The following TGM7 variants were observed in gnomAD, a reference collection of about 807,000 sequenced individuals.
TGM7 encodes protein-glutamine gamma-glutamyltransferase Z.
In TGM7, 74 loss-of-function variants were observed where a neutral mutation model predicts 79.5. The observed-to-expected ratio is 0.93, with a 90% confidence interval of 0.77 to 1.13. TGM7 has a LOEUF of 1.13. Ranked by LOEUF, TGM7 falls within the 50% of genes most tolerant of loss-of-function variation. The probability of loss-of-function intolerance (pLI) is 0.00; values close to 1 mark genes in which losing one functional copy is unlikely to be tolerated. For missense variants in TGM7, 912 were observed against 905.9 expected (o/e 1.01, Z -0.09); for synonymous variants, 354 against 362.5 (o/e 0.98, Z 0.27).
intron 2 of TGM7, 145 bp from the exon 3 acceptor site, chr15:43,293,099 C>G (rs1480093580): frequency 8.7e-7 from 1 of 1,153,580 alleles, no homozygotes; most frequent in Non-Finnish European, 1.2e-6. Context: ...TCAGGCAAAC[C>G]ATTTAAGACC....
Position 43,279,833 on chromosome 15 carries a change from C to A in TGM7, c.1470G>T (p.Ala490=), listed in dbSNP as rs780525541. 1 of 1,614,096 alleles carries A rather than the reference C, an allele frequency of 6.2e-7. No individual in the cohort carries two copies. Among genetic ancestry groups the A allele is most frequent in the African/African-American group, 1.3e-5 (1 of 74,932 alleles). The change falls in exon 10 of 13, where the codon GCG becomes GCT. Residue 490 remains alanine, a synonymous_variant. Coordinates refer to ENST00000452443, the MANE Select transcript of TGM7 (RefSeq NM_052955.3). ...TCCTGGCCAGGTGAAGCTGCAGCTG[C>A]GCTGGCTGATCCCTAAGACCCCCAG... ...LESGGLRDQP[A]QLQLHLARIP...
intron 7 of TGM7, 25 bp downstream of exon 7, chr15:43,284,789 A>T (rs779577396): frequency 1.2e-6 from 2 of 1,612,754 alleles, no homozygotes; most frequent in African/African-American, 1.3e-5. Context: ...CAAAGCAGAG[A>T]TCTGTTCAAG....
chr15:43,277,078 C>T, intron 11 of TGM7, 83 bp from the exon 12 acceptor site: 1 of 1,544,970 alleles, frequency 6.5e-7, no homozygotes, highest in African/African-American at 1.4e-5. Context: ...CCCCAGGTCC[C>T]TGGCGACCAC....
chr15:43,290,587 T>C (rs1325653113), intron 4 of TGM7, among the ~76,000 whole-genome samples: 3 of 152,226 alleles, frequency 2.0e-5, no homozygotes, highest in Admixed American at 1.3e-4. Flanking sequence ...AGTAGCTTTT[T>C]CCAATTCTGT....
rs529332531 is a variant in TGM7, at chr15:43,278,159, T to C, written c.1839+958A>G. On this transcript the variant is annotated intron_variant, in intron 11 of 12. Coordinates refer to ENST00000452443, the MANE Select transcript of TGM7 (RefSeq NM_052955.3). ...TATGGTCTGGAGCTGCCCAGTTCTC[T>C]ATTGGGGTGGGGAGGGGCAGGCTGT... is the stretch of plus-strand genomic sequence containing the variant. 1.8e-4 allele frequency among the ~76,000 whole-genome samples: 27 copies of C among 152,294 alleles called. No individual in the cohort carries two copies. In the South Asian group the frequency reaches 3.3e-3, roughly 19 times the overall value.
At chr15:43,283,572 C>G (rs1478940002) in intron 7 of TGM7, among the ~76,000 whole-genome samples, 1 of 152,030 alleles carries the variant, frequency 6.6e-6, no homozygotes, top group Non-Finnish European at 1.5e-5. Flanking sequence ...TGAAAACAGT[C>G]TTTATGTTAT....
chr15:43,296,095 T>G (rs561597281), intron 1 of TGM7, among the ~76,000 whole-genome samples: 2 of 152,344 alleles, frequency 1.3e-5, no homozygotes, highest in East Asian at 3.9e-4. Flanking sequence ...ATTTTATGTG[T>G]AGCTAGGTCA....
chr15:43,295,697 C>T (rs554817990), intron 1 of TGM7, among the ~76,000 whole-genome samples: 1 of 152,342 alleles, frequency 6.6e-6, no homozygotes, highest in East Asian at 1.9e-4. Flanking sequence ...CCTTCACAAT[C>T]TAAAATCAAA....
intron 8 of TGM7, 30 bp from the exon 9 acceptor site, chr15:43,282,116 G>A: frequency 3.1e-6 from 5 of 1,607,786 alleles, no homozygotes; most frequent in Non-Finnish European, 4.3e-6. Flanking sequence ...CTGATATGGG[G>A]GCCAGGGGCA....
chr15:43,289,622 C>T (rs1223961193), intron 4 of TGM7, among the ~76,000 whole-genome samples: 1 of 152,028 alleles, frequency 6.6e-6, no homozygotes, highest in Non-Finnish European at 1.5e-5. Context: ...AGTTCTAAAT[C>T]CCTGAGGAAT....
In TGM7 at chr15:43,276,438, C is replaced by A; in HGVS notation, c.*17G>T. On this transcript the variant is annotated 3_prime_UTR_variant, in exon 13 of 13. Coordinates refer to ENST00000452443, the MANE Select transcript of TGM7 (RefSeq NM_052955.3). The stretch of plus-strand genomic sequence containing the variant: ...GGTGGGGCAGGGGTGCCAGGGAGGG[C>A]AGCTGGAGGGCGGGTCTCAGGGAGC... 1 of 1,605,050 alleles carries A rather than the reference C, an allele frequency of 6.2e-7. No homozygotes were observed. Among genetic ancestry groups the A allele is most frequent in the Non-Finnish European group, 8.5e-7 (1 of 1,175,244 alleles).
At position 43,287,423 on chromosome 15, in the gene TGM7, C is replaced by G. The variant is rs60154727; in HGVS notation, c.722G>C (p.Gly241Ala). Residue 241 changes from glycine (G) to alanine (A), a missense_variant, in exon 6 of 13, where the codon GGG becomes GCG. Transcript: ENST00000452443. The part of the protein sequence containing the change: ...NSNDDNGVLQ[G>A]NWGEDYSKGV... Reference sequence around the variant, plus strand: ...TTTGGAGTAGTCCTCGCCCCAGTTCCCCTGCAGCACGCCATTGTCATCGTT... The same window carrying G: ...TTTGGAGTAGTCCTCGCCCCAGTTCGCCTGCAGCACGCCATTGTCATCGTT... The G allele has an allele frequency of 6.2e-7, 1 of 1,614,128 alleles. No individual in the cohort carries two copies.
At chr15:43,295,458 T>G (rs2042987796) in intron 1 of TGM7, among the ~76,000 whole-genome samples, 2 of 152,126 alleles carry the variant, frequency 1.3e-5, no homozygotes, top group South Asian at 4.1e-4. Context: ...GGCCTGGTGG[T>G]GAGTGCCTGT....
chr15:43,293,288 T>A (rs1245307042), intron 2 of TGM7, among the ~76,000 whole-genome samples, 161 bp downstream of exon 2: 1 of 152,110 alleles, frequency 6.6e-6, no homozygotes, highest in East Asian at 1.9e-4. Context: ...AAATCTCTCC[T>A]TAACAGCACT....
chr15:43,291,648 C>T (rs147070482), intron 4 of TGM7, among the ~76,000 whole-genome samples: 13 of 152,286 alleles, frequency 8.5e-5, no homozygotes, highest in African/African-American at 2.9e-4. Context: ...AGTTTGCAAA[C>T]CCCCGGTGTT....
rs1051561577 is a variant in TGM7 at position 43,287,527 on chromosome 15, G to A, written c.687+14C>T. ...TCAGACTGTCCTCAGACGGCGGGAA[G>A]CATCCATCCTTACCATGGCACTCAC... On this transcript the variant is annotated intron_variant, in intron 5 of 12. Coordinates refer to ENST00000452443, the MANE Select transcript of TGM7 (RefSeq NM_052955.3). 1 of 1,613,246 alleles carries A rather than the reference G, an allele frequency of 6.2e-7. No individual in the cohort carries two copies. Among genetic ancestry groups the A allele is most frequent in the African/African-American group, 1.3e-5 (1 of 75,028 alleles).
Position 43,293,510 on chromosome 15 carries a change from C to T in TGM7, c.132G>A (p.Arg44=), listed in dbSNP as rs781134068. Residue 44 remains arginine, a synonymous_variant, in exon 2 of 13, where the codon CGG becomes CGA. Transcript: ENST00000452443. ...TVRRGQPFYL[R]LSFSRPFQSQ... ...ACTGGAAGGGTCGGCTGAAGCTCAG[C>T]CGGAGGTAGAAGGGCTGGCCGCGGC... The T allele has an allele frequency of 6.2e-7, 1 of 1,611,812 alleles. No homozygotes were observed. The highest frequency in any genetic ancestry group is 1.7e-5 in the Admixed American group (1 of 59,926).
intron 3 of TGM7, 62 bp from the exon 4 acceptor site, chr15:43,292,159 T>A: frequency 8.9e-7 from 1 of 1,124,854 alleles, no homozygotes; most frequent in Non-Finnish European, 1.3e-6. Context: ...AGTATTAAAT[T>A]AAAAAACAGT....
At chr15:43,283,714 C>T (rs1446839215) in intron 7 of TGM7, among the ~76,000 whole-genome samples, 2 of 152,232 alleles carry the variant, frequency 1.3e-5, no homozygotes, top group East Asian at 3.8e-4. Flanking sequence ...ACCACTGCTT[C>T]CTGAATCAGA....
Sources: gnomAD v4.1 joint callset for allele counts (sites outside exome capture counted in the v4.1 genomes callset) on GRCh38, gnomAD v4.1.1 for gene constraint, MANE v1.5 for transcripts, NCBI Gene and HGNC (gene_info 2026-07-23, HGNC 2026-07-21) for gene names.